GAREM2: variants seen among roughly 807,000 people sequenced by gnomAD.
GAREM2 encodes the protein GRB2-associated and regulator of MAPK protein 2.
In GAREM2, 30 loss-of-function variants were observed where a neutral mutation model predicts 55.6. The observed-to-expected ratio is 0.54, with a 90% CI of 0.40 to 0.73. The LOEUF (loss-of-function observed/expected upper bound fraction) is 0.73, where lower values mean the gene tolerates loss of function less well. Ranked by LOEUF, GAREM2 falls within the 30% of genes least tolerant of loss-of-function variation. The pLI is 0.00. For missense variants in GAREM2, 1,075 were observed against 1,257.7 expected (o/e 0.85, Z 2.20); for synonymous variants, 550 against 569.1 (o/e 0.97, Z 0.48).
At chr2:26,182,892 TGAAG>T in intron 2 of GAREM2, 71 bp from the exon 3 acceptor site, 2 of 1,515,350 alleles carry the variant, frequency 1.3e-6, no homozygotes, top group Non-Finnish European at 1.8e-6. Flanking sequence ...CAAGTGACCA[TGAAG>T]GCTCTTGGGA....
At chr2:26,186,404 G>A (rs1023952429) in intron 5 of GAREM2, 46 bp downstream of exon 5, 1 of 1,522,382 alleles carries the variant, frequency 6.6e-7, no homozygotes, top group Non-Finnish European at 8.9e-7. Context: ...GGTAGATCAA[G>A]GCAGGGAAGG....
the GAREM2 span, among the ~76,000 whole-genome samples, chr2:26,196,667 A>C: frequency 6.6e-6 from 1 of 152,162 alleles, no homozygotes; most frequent in Non-Finnish European, 1.5e-5. Context: ...TAAATGAATG[A>C]CAAAAGGCAA....
At chr2:26,182,296 G>A in intron 2 of GAREM2, 2 of 1,441,356 alleles carry the variant, frequency 1.4e-6, no homozygotes, top group Non-Finnish European at 9.1e-7. Context: ...TACTCTCAGG[G>A]AGGTGGCTTT....
rs1370947519 is a variant in GAREM2, at chr2:26,179,189, C to T, written c.253+2705C>T. Among the ~76,000 whole-genome samples the T allele has an allele frequency of 9.9e-5, 15 of 152,128 alleles. No homozygotes were observed. The highest frequency in any genetic ancestry group is 9.8e-4 in the Admixed American group (15 of 15,284). On this transcript the variant is annotated intron_variant, in intron 2 of 5. Coordinates refer to ENST00000401533, the MANE Select transcript of GAREM2 (RefSeq NM_001168241.2). The surrounding 1 kb of genome is among the most constrained non-coding windows in gnomAD (Gnocchi z 4.7). ...CCTGGCCTGGCCCCGTACTGTCCCC[C>T]GTCCCAGCCCCCGCCCCTGGCCCTG...
chr2:26,184,367 C>G lies in GAREM2; in HGVS notation c.519C>G (p.Thr173=). The G allele has an allele frequency of 6.5e-7, 1 of 1,544,766 alleles. No homozygotes were observed. Among genetic ancestry groups the G allele is most frequent in the Non-Finnish European group, 8.7e-7 (1 of 1,143,632 alleles). Residue 173 remains threonine (T), a synonymous_variant, in exon 4 of 6, where the codon ACC becomes ACG. Coordinates refer to ENST00000401533, the MANE Select transcript of GAREM2 (RefSeq NM_001168241.2). ...CCAAGGAGCGCTCGCGCTTCACCAC[C>G]CTCCTGCGAAAGCTGGGCCGGGCCG... ...KTTKERSRFT[T]LLRKLGRAGA...
the GAREM2 span, among the ~76,000 whole-genome samples, chr2:26,203,361 T>C: frequency 6.6e-6 from 1 of 152,168 alleles, no homozygotes; most frequent in African/African-American, 2.4e-5. Context: ...AGAAAACTGA[T>C]CAAACCAACC....
In GAREM2 at chr2:26,187,268, G is replaced by A. The variant is rs991046346; in HGVS notation, c.1636G>A (p.Asp546Asn). ...CAGTGGCAGTGGCTCCCCATCGCCGGACACCTACTCCCTCTATTGCTACCC... is the reference window on the plus strand; with the variant it reads ...CAGTGGCAGTGGCTCCCCATCGCCGAACACCTACTCCCTCTATTGCTACCC... ...SRSGSGSPSP[D>N]TYSLYCYPCT... Residue 546 changes from aspartate to asparagine, a missense_variant, in exon 6 of 6, where the codon GAC becomes AAC. Physicochemically the swap from Asp to Asn is conservative, Grantham distance 23. Coordinates refer to ENST00000401533, the MANE Select transcript of GAREM2 (RefSeq NM_001168241.2). The A allele has an allele frequency of 9.6e-6, 14 of 1,457,900 alleles. No homozygotes were observed. The highest frequency in any genetic ancestry group is 2.9e-5 in the South Asian group (2 of 69,210). 90.3% of individuals were successfully genotyped at this position (1,457,900 alleles called of 1,614,324 possible).
the GAREM2 span, among the ~76,000 whole-genome samples, chr2:26,203,864 A>G: frequency 1.3e-5 from 2 of 152,244 alleles, no homozygotes; most frequent in East Asian, 1.9e-4. Flanking sequence ...AACGAAGTCA[A>G]AGAAGGAATT....
downstream of GAREM2, among the ~76,000 whole-genome samples, chr2:26,190,411 G>C (rs982993535): frequency 2.6e-5 from 4 of 152,136 alleles, no homozygotes; most frequent in Admixed American, 6.5e-5. Flanking sequence ...TGAAGCTTTG[G>C]GGGAGTGCAG....
chr2:26,192,161 C>G (rs111417710), downstream of GAREM2: 582 of 622,572 alleles, frequency 9.3e-4, 4 homozygotes, highest in African/African-American at 9.8e-3. Flanking sequence ...AAGACAGCAC[C>G]ATGGCACGTG....
chr2:26,200,196 T>C, the GAREM2 span, among the ~76,000 whole-genome samples: 7 of 152,348 alleles, frequency 4.6e-5, no homozygotes, highest in East Asian at 1.9e-4. Context: ...GGTACTCTTA[T>C]TTTTTGTAAT....
chr2:26,201,013 T>G, the GAREM2 span: 10 of 744,076 alleles, frequency 1.3e-5, no homozygotes, highest in Non-Finnish European at 2.4e-5. Flanking sequence ...ATTATAGGCG[T>G]GAGCCACCAT....
At chr2:26,191,308 G>A, downstream of GAREM2, 1 of 1,613,690 alleles carries the variant, frequency 6.2e-7, no homozygotes. Flanking sequence ...CTGGCATGGG[G>A]TGAACTGTTT....
At chr2:26,202,237 C>T in the GAREM2 span, among the ~76,000 whole-genome samples, 1 of 152,124 alleles carries the variant, frequency 6.6e-6, no homozygotes, top group African/African-American at 2.4e-5. Context: ...CCATAGGGAG[C>T]AGAAAAGGAT....
chr2:26,189,842 G>C (rs1306411189), downstream of GAREM2, among the ~76,000 whole-genome samples: 3 of 152,154 alleles, frequency 2.0e-5, no homozygotes, highest in African/African-American at 7.2e-5. Flanking sequence ...GCCCTCGCCA[G>C]CCCCTCCCTA....
rs1215381340 is a variant in GAREM2 at position 26,187,374 on chromosome 2, G to GCCAGGC, written c.1744_1749dup (p.Gln582_Ala583dup). On this transcript the variant is annotated inframe_insertion, in exon 6 of 6. Coordinates refer to ENST00000401533, the MANE Select transcript of GAREM2 (RefSeq NM_001168241.2). ...CCCCTACCCTCAACCACACAGCCCA[G>GCCAGGC]CCAGGCCTCCCGGGCCCTCACAGAG... 1 of 1,547,322 alleles carries GCCAGGC rather than the reference G, an allele frequency of 6.5e-7. No individual in the cohort carries two copies. The highest frequency in any genetic ancestry group is 8.7e-7 in the Non-Finnish European group (1 of 1,144,932).
the GAREM2 span, chr2:26,201,150 G>T: frequency 6.2e-7 from 1 of 1,608,916 alleles, no homozygotes; most frequent in African/African-American, 1.3e-5. Context: ...CTTGCTTACC[G>T]CTTCTACTTC....
chr2:26,199,975 C>T, the GAREM2 span, among the ~76,000 whole-genome samples: 1 of 152,068 alleles, frequency 6.6e-6, no homozygotes, highest in Non-Finnish European at 1.5e-5. Context: ...GCCCAGATTG[C>T]AGAATTGTGA....
chr2:26,204,296 G>T, the GAREM2 span: 1 of 973,032 alleles, frequency 1.0e-6, no homozygotes, highest in African/African-American at 1.6e-5. Flanking sequence ...ACTAATGCAG[G>T]CACAACTATA....
Sources: gnomAD v4.1 joint callset for allele counts (sites outside exome capture counted in the v4.1 genomes callset) on GRCh38, gnomAD v4.1.1 for gene constraint, Gnocchi (gnomAD v3.1) non-coding constraint, MANE v1.5 for transcripts, NCBI Gene and HGNC (gene_info 2026-07-23, HGNC 2026-07-21) for gene names.